RFC4: variants seen among roughly 807,000 people sequenced by gnomAD.
RFC4 encodes the protein replication factor C subunit 4.
RFC4 carries 38 observed loss-of-function variants against 47.6 expected under a neutral mutation model. The ratio of observed to expected loss-of-function variants is 0.80; its 90% CI spans 0.62 to 1.05. The LOEUF (loss-of-function observed/expected upper bound fraction) is 1.05. Ranked by LOEUF, RFC4 falls within the 50% of genes least tolerant of loss-of-function variation. RFC4 has a pLI of 0.00. For missense variants in RFC4, 489 were observed against 434.0 expected (o/e 1.13, Z -1.13); for synonymous variants, 164 against 150.0 (o/e 1.09, Z -0.68).
rs763313805 is a variant in RFC4 at position 186,806,028 on chromosome 3, A to G, written c.-12+262T>C. Among the ~76,000 whole-genome samples, 106 of 152,228 alleles carry G rather than the reference A, an allele frequency of 7.0e-4. 3 individuals carry two copies. Among genetic ancestry groups the G allele is most frequent in the Admixed American group, 1.6e-3 (24 of 15,280 alleles). ...TATGGGGATATGCTCAATAAAATAA[A>G]TTTTTAATATCTGTTAGCAGCCAAG... On this transcript the variant is annotated intron_variant, in intron 1 of 10. Coordinates refer to ENST00000296273, the MANE Select transcript of RFC4 (RefSeq NM_002916.5).
chr3:186,790,487 C>CA, intron 8 of RFC4, 81 bp from the exon 9 acceptor site: 3 of 972,062 alleles, frequency 3.1e-6, no homozygotes, highest in Non-Finnish European at 5.0e-6. Flanking sequence ...CCCGTGCCCC[C>CA]AGTCATTTCT....
Position 186,794,688 on chromosome 3 carries a change from G to A in RFC4, c.380C>T (p.Ala127Val), listed in dbSNP as rs752178991. 1 of 1,613,972 alleles carries A rather than the reference G, an allele frequency of 6.2e-7. No individual in the cohort carries two copies. The highest frequency in any genetic ancestry group is 8.5e-7 in the Non-Finnish European group (1 of 1,179,942). The change falls in exon 5 of 11, where the codon GCT becomes GTT. Residue 127 changes from alanine to valine, a missense_variant. Transcript: ENST00000296273. ...GCGACTTCCTGACACAGTTAATTGA[G>A]CAAAATTTTTCACTTTCTCTCGAAC... is the stretch of plus-strand genomic sequence containing the variant. The part of the protein sequence containing the change: ...QVVREKVKNF[A>V]QLTVSGSRSD...
At chr3:186,802,887 C>T (rs1047601380) in intron 2 of RFC4, among the ~76,000 whole-genome samples, 4 of 152,070 alleles carry the variant, frequency 2.6e-5, no homozygotes, top group South Asian at 2.1e-4. Flanking sequence ...GAGGAACACA[C>T]GACCTTTCCA....
intron 4 of RFC4, among the ~76,000 whole-genome samples, chr3:186,797,211 T>C (rs1311560195): frequency 1.3e-5 from 2 of 152,188 alleles, no homozygotes; most frequent in Non-Finnish European, 1.5e-5. Flanking sequence ...AAGAGGGTGA[T>C]AAAACTATCA....
intron 7 of RFC4, 89 bp from the exon 8 acceptor site, chr3:186,791,939 C>G (rs768003590): frequency 5.0e-6 from 6 of 1,188,970 alleles, no homozygotes; most frequent in African/African-American, 1.6e-5. Flanking sequence ...AGTGAAAAAC[C>G]CTGTTTTAGT....
chr3:186,804,502 GT>G, intron 2 of RFC4, 80 bp downstream of exon 2: 1 of 1,289,980 alleles, frequency 7.8e-7, no homozygotes, highest in Non-Finnish European at 1.1e-6. Flanking sequence ...TCCTCCATAA[GT>G]TAAAAAAAAA....
chr3:186,789,939 TACAAAACCCCCC>T lies in RFC4; in HGVS notation c.*18_*29del, dbSNP rs1722019080. On this transcript the variant is annotated 3_prime_UTR_variant, in exon 11 of 11. Coordinates refer to ENST00000296273, the MANE Select transcript of RFC4 (RefSeq NM_002916.5). Reference sequence around the variant, plus strand: ...TTATTTTTATTACAACTTCATTATTTACAAAACCCCCCATCCAGATATATTCACGTTAACAAT... The same window carrying T: ...TTATTTTTATTACAACTTCATTATTTATCCAGATATATTCACGTTAACAAT... The T allele has an allele frequency of 7.4e-7, 1 of 1,357,176 alleles. No individual in the cohort carries two copies. Among genetic ancestry groups the T allele is most frequent in the Non-Finnish European group, 1.0e-6 (1 of 957,780 alleles). 84.1% of individuals were successfully genotyped at this position (1,357,176 alleles called of 1,614,324 possible). A position where few individuals can be genotyped will look rare whatever the true frequency, so the allele number is the denominator to read the frequency against.
chr3:186,801,037 AG>A, intron 3 of RFC4, 79 bp downstream of exon 3: 1 of 1,038,780 alleles, frequency 9.6e-7, no homozygotes, highest in Non-Finnish European at 1.5e-6. Flanking sequence ...AACGAGGGCT[AG>A]AAGTTATAAA....
At chr3:186,794,530 T>C in intron 5 of RFC4, 128 bp downstream of exon 5, 2 of 914,634 alleles carry the variant, frequency 2.2e-6, no homozygotes, top group Non-Finnish European at 3.3e-6. Flanking sequence ...CAGGATAGTC[T>C]TCTAACATGA....
At chr3:186,790,451 CTA>C (rs1023438520) in intron 8 of RFC4, 45 bp from the exon 9 acceptor site, 5 of 1,364,540 alleles carry the variant, frequency 3.7e-6, no homozygotes, top group Non-Finnish European at 5.2e-6. Context: ...CTAGGTGAGA[CTA>C]GACATACACT....
At chr3:186,794,529 C>A in intron 5 of RFC4, 129 bp downstream of exon 5, 1 of 903,534 alleles carries the variant, frequency 1.1e-6, no homozygotes, top group East Asian at 2.5e-5. Context: ...GCAGGATAGT[C>A]TTCTAACATG....
At position 186,796,928 on chromosome 3, in the gene RFC4, G is replaced by A. The variant is rs1240338093; in HGVS notation, c.290+607C>T. ...ACACATCTTTTAACTCTAGGTAAAGGGCTCCTCTAGAATGGCTGGTTAAGC... is the reference window on the plus strand; with the variant it reads ...ACACATCTTTTAACTCTAGGTAAAGAGCTCCTCTAGAATGGCTGGTTAAGC... On this transcript the variant is annotated intron_variant, in intron 4 of 10. Transcript: ENST00000296273. The surrounding 1 kb of genome is among the most constrained non-coding windows in gnomAD (Gnocchi z 4.2). 6.6e-6 allele frequency among the ~76,000 whole-genome samples: 1 copy of A among 152,158 alleles called. No individual in the cohort carries two copies. Among genetic ancestry groups the A allele is most frequent in the Admixed American group, 6.5e-5 (1 of 15,276 alleles).
At chr3:186,799,717 A>G (rs1028723607) in intron 3 of RFC4, among the ~76,000 whole-genome samples, 1 of 150,374 alleles carries the variant, frequency 6.7e-6, no homozygotes, top group Non-Finnish European at 1.5e-5. Flanking sequence ...TGTCTCAATT[A>G]CAAAAAAAAA....
chr3:186,794,655 T>C lies in RFC4; in HGVS notation c.410+3A>G. On this transcript the variant is annotated splice_donor_region_variant and intron_variant, in intron 5 of 10. Coordinates refer to ENST00000296273, the MANE Select transcript of RFC4 (RefSeq NM_002916.5). ...ATGGAGGAGGGAGGGCAAATTTACT[T>C]ACTCTGAGCGACTTCCTGACACAGT... The C allele has an allele frequency of 6.2e-7, 1 of 1,612,846 alleles. No homozygotes were observed. The highest frequency in any genetic ancestry group is 8.5e-7 in the Non-Finnish European group (1 of 1,179,644).
chr3:186,802,667 CTAAT>C (rs955438367), intron 2 of RFC4, among the ~76,000 whole-genome samples: 4 of 152,014 alleles, frequency 2.6e-5, no homozygotes, highest in African/African-American at 9.7e-5. Flanking sequence ...GCTTAGTTAA[CTAAT>C]CAAAAGTTCT....
rs751933629 is a variant in RFC4 at position 186,789,961 on chromosome 3, T to TATTCACGTTAACAATTCTGAGATA, written c.1076_*7dup. ...ATTTACAAAACCCCCCATCCAGATA[T>TATTCACGTTAACAATTCTGAGATA]ATTCACGTTAACAATTCTGAGATAA... On this transcript the variant is annotated 3_prime_UTR_variant, in exon 11 of 11. Transcript: ENST00000296273. 1.9e-5 allele frequency: 29 copies of TATTCACGTTAACAATTCTGAGATA among 1,552,742 alleles called. No homozygotes were observed. In the African/African-American group the frequency reaches 3.8e-4, roughly 20 times the overall value.
chr3:186,792,812 A>G lies in RFC4; in HGVS notation c.546T>C (p.Tyr182=). The change falls in exon 6 of 11, where the codon TAT becomes TAC. Residue 182 remains tyrosine (Y), a synonymous_variant. Coordinates refer to ENST00000296273, the MANE Select transcript of RFC4 (RefSeq NM_002916.5). ...KTTRFCLICN[Y]VSRIIEPLTS... is the part of the protein sequence containing the mutation. ...CAGGGCAATATACATACCGACTGAC[A>G]TAGTTACAGATAAGACAGAATCGGG... 1 of 1,612,874 alleles carries G rather than the reference A, an allele frequency of 6.2e-7. No homozygotes were observed.
intron 9 of RFC4, 21 bp from the exon 10 acceptor site, chr3:186,790,276 GGTATGATGACTTA>G: frequency 6.2e-7 from 1 of 1,610,434 alleles, no homozygotes. Context: ...AAAAACTTTT[GGTATGATGACTTA>G]ATATTCCTTT....
At chr3:186,805,221 TTTG>T (rs920636406) in intron 1 of RFC4, among the ~76,000 whole-genome samples, 17 of 152,180 alleles carry the variant, frequency 1.1e-4, no homozygotes, top group African/African-American at 2.6e-4. Context: ...AAGACCTTTT[TTTG>T]TTGTTGTTGT....
Sources: gnomAD v4.1 joint callset for allele counts (sites outside exome capture counted in the v4.1 genomes callset) on GRCh38, gnomAD v4.1.1 for gene constraint, Gnocchi (gnomAD v3.1) non-coding constraint, MANE v1.5 for transcripts, NCBI Gene and HGNC (gene_info 2026-07-23, HGNC 2026-07-21) for gene names.